ZNF569: variants seen among roughly 807,000 people sequenced by gnomAD.
ZNF569 encodes zinc finger protein 569.
Under a neutral mutation model 56.3 loss-of-function variants are expected in ZNF569, and 38 were observed. The ratio of observed to expected loss-of-function variants is 0.68; its 90% confidence interval spans 0.52 to 0.88. The LOEUF is 0.88. ZNF569 is among the 40% of genes least tolerant of loss of function. The probability of loss-of-function intolerance (pLI) is 0.00; values close to 1 mark genes in which losing one functional copy is unlikely to be tolerated. For missense variants in ZNF569, 666 were observed against 809.2 expected (o/e 0.82, Z 2.15); for synonymous variants, 241 against 262.9 (o/e 0.92, Z 0.81).
chr19:37,421,872 C>A (rs941745327), intron 5 of ZNF569, among the ~76,000 whole-genome samples: 3 of 151,250 alleles, frequency 2.0e-5, no homozygotes, highest in African/African-American at 7.3e-5. Context: ...GTCTCAGCCT[C>A]CCAAGCAGCT....
In ZNF569 at chr19:37,414,247, A is replaced by G. The variant is rs764134579; in HGVS notation, c.411T>C (p.Tyr137=). Residue 137 remains tyrosine (Y), a synonymous_variant, in exon 6 of 6, where the codon TAT becomes TAC. Transcript: ENST00000316950. ...AACACTTTCCAAATAAGTCATACTCATAGAGATTGTGTCTGGAAGGGAAAA... is the reference window on the plus strand; with the variant it reads ...AACACTTTCCAAATAAGTCATACTCGTAGAGATTGTGTCTGGAAGGGAAAA... ...SDFFPSRHNL[Y]EYDLFGKCLE... 1 of 1,613,572 alleles carries G rather than the reference A, an allele frequency of 6.2e-7. No individual in the cohort carries two copies. Among genetic ancestry groups the G allele is most frequent in the Admixed American group, 1.7e-5 (1 of 59,960 alleles).
chr19:37,421,332 C>T (rs768720703), intron 5 of ZNF569, among the ~76,000 whole-genome samples: 7 of 152,168 alleles, frequency 4.6e-5, no homozygotes, highest in Non-Finnish European at 8.8e-5. Context: ...CTGTGAAAGT[C>T]CTAGATGGCA....
At chr19:37,437,497 G>C (rs2041330436) in intron 3 of ZNF569, among the ~76,000 whole-genome samples, 1 of 152,060 alleles carries the variant, frequency 6.6e-6, no homozygotes, top group Non-Finnish European at 1.5e-5. Flanking sequence ...TCAGATAAGA[G>C]AAAGAAGTAA....
At chr19:37,449,897 T>C (rs982696723) in intron 2 of ZNF569, among the ~76,000 whole-genome samples, 1 of 152,216 alleles carries the variant, frequency 6.6e-6, no homozygotes, top group Non-Finnish European at 1.5e-5. Context: ...GATTAAGATG[T>C]ACCATCTTCT....
At chr19:37,443,177 T>G (rs1443913995) in intron 3 of ZNF569, among the ~76,000 whole-genome samples, 1 of 152,126 alleles carries the variant, frequency 6.6e-6, no homozygotes, top group Non-Finnish European at 1.5e-5. Flanking sequence ...TGAAACCCTG[T>G]CTCTACTAAA....
intron 2 of ZNF569, among the ~76,000 whole-genome samples, chr19:37,446,537 G>A (rs376545373): frequency 7.3e-4 from 93 of 127,786 alleles, no homozygotes; most frequent in African/African-American, 2.7e-3. Flanking sequence ...GCAACAGAGC[G>A]CGACTCCATC....
At chr19:37,424,542 G>A (rs2041091907) in intron 5 of ZNF569, among the ~76,000 whole-genome samples, 1 of 151,966 alleles carries the variant, frequency 6.6e-6, no homozygotes, top group African/African-American at 2.4e-5. Flanking sequence ...GGCCAGGCGC[G>A]GTGGCTCACG....
upstream of ZNF569, chr19:37,469,164 C>G: frequency 8.6e-7 from 1 of 1,168,812 alleles, no homozygotes; most frequent in Non-Finnish European, 1.1e-6. Context: ...TCTGGAAGGC[C>G]GGGGAGAGGC....
chr19:37,429,876 A>C (rs1279807962), intron 3 of ZNF569, among the ~76,000 whole-genome samples: 2 of 152,246 alleles, frequency 1.3e-5, no homozygotes, highest in East Asian at 3.8e-4. Context: ...AATTTGAAGA[A>C]GAGACAGAAA....
intron 3 of ZNF569, chr19:37,427,948 T>A (rs1403898303): frequency 3.8e-6 from 1 of 261,264 alleles, no homozygotes; most frequent in Non-Finnish European, 8.1e-6. Context: ...TTGCTGGGAC[T>A]ACCTCAGCTG....
At chr19:37,445,007 G>A in intron 2 of ZNF569, 43 bp from the exon 3 acceptor site, 1 of 1,509,210 alleles carries the variant, frequency 6.6e-7, no homozygotes, top group Non-Finnish European at 9.0e-7. Context: ...CCTGTCTTTA[G>A]TTTCAGAAAC....
At chr19:37,427,905 AGGG>A (rs2041162286) in intron 3 of ZNF569, 2 of 438,212 alleles carry the variant, frequency 4.6e-6, no homozygotes, top group Non-Finnish European at 9.3e-6. Context: ...CACCAATTAC[AGGG>A]AAGAACATGA....
chr19:37,468,886 C>CG, upstream of ZNF569: 3 of 241,368 alleles, frequency 1.2e-5, no homozygotes, highest in Non-Finnish European at 2.0e-5. Flanking sequence ...CCCCGCTCCC[C>CG]TCCCAATTTT....
chr19:37,459,610 CA>C (rs2041726708), intron 2 of ZNF569, among the ~76,000 whole-genome samples: 1 of 152,064 alleles, frequency 6.6e-6, no homozygotes, highest in Non-Finnish European at 1.5e-5. Context: ...AGGTCAGAAA[CA>C]TGGATTTACA....
At chr19:37,414,543 T>C in intron 5 of ZNF569, 124 bp from the exon 6 acceptor site, 2 of 1,392,530 alleles carry the variant, frequency 1.4e-6, no homozygotes, top group Non-Finnish European at 1.9e-6. Context: ...CTCCCACTAT[T>C]AAAACATTTT....
intron 5 of ZNF569, among the ~76,000 whole-genome samples, chr19:37,418,544 C>T (rs180708553): frequency 7.2e-5 from 11 of 152,104 alleles, no homozygotes; most frequent in South Asian, 2.1e-4. Flanking sequence ...GAACCGAGAA[C>T]GCTAAAACCC....
intron 3 of ZNF569, among the ~76,000 whole-genome samples, chr19:37,441,011 C>G (rs1045290702): frequency 1.3e-5 from 2 of 152,192 alleles, no homozygotes; most frequent in Non-Finnish European, 2.9e-5. Flanking sequence ...TGGCTCCAAA[C>G]ACGTTTAACC....
chr19:37,447,162 A>ACCAC (rs1254821159), intron 2 of ZNF569, among the ~76,000 whole-genome samples: 11 of 152,218 alleles, frequency 7.2e-5, no homozygotes, highest in African/African-American at 2.7e-4. Context: ...AACTAGTACA[A>ACCAC]CCACTATGGA....
intron 2 of ZNF569, among the ~76,000 whole-genome samples, chr19:37,450,012 C>T (rs1389027830): frequency 6.6e-6 from 1 of 152,094 alleles, no homozygotes; most frequent in Non-Finnish European, 1.5e-5. Flanking sequence ...GTTTTATCTC[C>T]CACTTAGTCA....
Sources: allele counts gnomAD v4.1 joint callset (sites outside exome capture counted in the v4.1 genomes callset), GRCh38; gene constraint gnomAD v4.1.1; transcripts MANE v1.5; gene names NCBI Gene and HGNC (gene_info 2026-07-23, HGNC 2026-07-21).